Variants in SLC4A4 observed in about 807,000 individuals in gnomAD.
SLC4A4 encodes the protein electrogenic sodium bicarbonate cotransporter 1.
SLC4A4 carries 27 observed loss-of-function variants against 111.5 expected under a neutral mutation model. The ratio of observed to expected loss-of-function variants is 0.24; its 90% CI spans 0.18 to 0.33. The LOEUF is 0.33. SLC4A4 is among the 10% of genes least tolerant of loss of function. The pLI, the probability that SLC4A4 is intolerant of heterozygous loss-of-function variation, is 1.00. For synonymous variants in SLC4A4, 443 were observed against 463.4 expected, an observed-to-expected ratio of 0.96 and a Z score of 0.57; for missense variants, 909 against 1,315.5, an observed-to-expected ratio of 0.69 and a Z score of 4.78.
chr4:71,513,968 A>G (rs927042426), intron 16 of SLC4A4, among the ~76,000 whole-genome samples: 1 of 152,196 alleles, frequency 6.6e-6, no homozygotes, highest in African/African-American at 2.4e-5. Context: ...CTATCCCTGC[A>G]TCCCTGGGAT....
rs778350153 is a variant in SLC4A4 at position 71,453,482 on chromosome 4, T to G, written c.1323-13T>G. The stretch of plus-strand genomic sequence containing the variant: ...CTTTACATTTAGTGGATGTTTGCAT[T>G]CTCTCTGCCCAGGTTCTGTGGTGGA... On this transcript the variant is annotated splice_polypyrimidine_tract_variant and intron_variant, in intron 11 of 25. Transcript: ENST00000264485. The G allele has an allele frequency of 5.0e-6, 8 of 1,613,206 alleles. No individual in the cohort carries two copies. Among genetic ancestry groups the G allele is most frequent in the Non-Finnish European group, 6.8e-6 (8 of 1,179,326 alleles).
chr4:71,157,101 C>T (rs558264190), intron 2 of SLC4A4, among the ~76,000 whole-genome samples: 2 of 152,202 alleles, frequency 1.3e-5, no homozygotes, highest in East Asian at 1.9e-4. Flanking sequence ...AATGTAAATA[C>T]ACCACTCCAA....
chr4:71,357,029 T>G lies in SLC4A4; in HGVS notation c.572T>G (p.Ile191Ser). The G allele has an allele frequency of 6.2e-7, 1 of 1,614,132 alleles. No individual in the cohort carries two copies. Among genetic ancestry groups the G allele is most frequent in the Middle Eastern group, 1.6e-4 (1 of 6,062 alleles). ...QLVEMIVDHQIETGLLKPELK... is the reference protein window; with the variant it reads ...QLVEMIVDHQSETGLLKPELK... Reference sequence around the variant, plus strand: ...CCAGAGATGATTGTTGACCATCAGATTGAGACAGGCCTATTGAAACCTGAA... The same window carrying G: ...CCAGAGATGATTGTTGACCATCAGAGTGAGACAGGCCTATTGAAACCTGAA... Residue 191 changes from isoleucine to serine, a missense_variant, in exon 6 of 26, where the codon ATT becomes AGT. By Grantham distance (142) the Ile-to-Ser change is moderately radical (BLOSUM62 -2). Coordinates refer to ENST00000264485, the MANE Select transcript of SLC4A4 (RefSeq NM_001098484.3).
intron 1 of SLC4A4, among the ~76,000 whole-genome samples, chr4:71,073,623 C>G (rs1741726436): frequency 6.6e-6 from 1 of 152,038 alleles, no homozygotes; most frequent in South Asian, 2.1e-4. Context: ...CTATATTTCA[C>G]ATATTTATTT....
At chr4:71,178,783 G>T (rs1745183965) in intron 2 of SLC4A4, among the ~76,000 whole-genome samples, 1 of 152,144 alleles carries the variant, frequency 6.6e-6, no homozygotes, top group African/African-American at 2.4e-5. Context: ...GTACAAGGAG[G>T]AGCTGGTACC....
intron 2 of SLC4A4, among the ~76,000 whole-genome samples, chr4:71,253,372 C>T (rs886482694): frequency 6.6e-6 from 1 of 152,036 alleles, no homozygotes; most frequent in Admixed American, 6.6e-5. Context: ...TTTAAAAAAC[C>T]TTTCTATATA....
At chr4:71,103,468 A>G (rs1220553259) in intron 2 of SLC4A4, among the ~76,000 whole-genome samples, 1 of 152,064 alleles carries the variant, frequency 6.6e-6, no homozygotes, top group Admixed American at 6.6e-5. Flanking sequence ...CAGAATATAC[A>G]TTTTTTTCAG....
intron 13 of SLC4A4, among the ~76,000 whole-genome samples, chr4:71,470,013 A>G (rs1727719297): frequency 6.6e-6 from 1 of 152,032 alleles, no homozygotes; most frequent in Non-Finnish European, 1.5e-5. Context: ...ACAAATCAAG[A>G]TTGCTCTTTC....
At chr4:71,436,400 G>A (rs2149049585) in intron 7 of SLC4A4, among the ~76,000 whole-genome samples, 1 of 152,216 alleles carries the variant, frequency 6.6e-6, no homozygotes, top group South Asian at 2.1e-4. Flanking sequence ...ACACACTGGG[G>A]CCTGTCAGGG....
chr4:71,468,286 T>C (rs1248732983), intron 13 of SLC4A4, among the ~76,000 whole-genome samples: 1 of 152,066 alleles, frequency 6.6e-6, no homozygotes, highest in East Asian at 1.9e-4. Context: ...TGTGGAAAGA[T>C]TAAACAAGGA....
At chr4:71,397,462 T>A (rs1719927573) in intron 6 of SLC4A4, 115 bp from the exon 7 acceptor site, 3 of 943,774 alleles carry the variant, frequency 3.2e-6, no homozygotes, top group Non-Finnish European at 5.2e-6. Context: ...CTAGTGTGGT[T>A]AAAAGTATCA....
At position 71,166,429 on chromosome 4, in the gene SLC4A4, A is replaced by G. The variant is rs72860074; in HGVS notation, c.-1-70147A>G. 5.3e-3 allele frequency among the ~76,000 whole-genome samples: 809 copies of G among 152,352 alleles called. 9 individuals carry two copies. The highest frequency in any genetic ancestry group is 0.019 in the African/African-American group (774 of 41,586). The stretch of plus-strand genomic sequence containing the variant: ...ATTCTGTTAGTTCACAGGTCTCATA[A>G]GAAAGGTGAAGAGAAAATATGGGGT... On this transcript the variant is annotated intron_variant, in intron 2 of 26. Coordinates refer to the SLC4A4 transcript ENST00000649996.
Position 71,449,354 on chromosome 4 carries a change from G to T in SLC4A4, c.1054-1035G>T, listed in dbSNP as rs139572199. Among the ~76,000 whole-genome samples the T allele has an allele frequency of 2.2e-3, 330 of 152,184 alleles. 2 individuals are homozygous for T. Among genetic ancestry groups the T allele is most frequent in the African/African-American group, 7.5e-3 (312 of 41,520 alleles). On this transcript the variant is annotated intron_variant, in intron 9 of 25. Transcript: ENST00000264485. Reference sequence around the variant, plus strand: ...CCTTTTTCTTATATCTTATTAGTTGGAATTGTTCATCTTTATCTGCACAGT... The same window carrying T: ...CCTTTTTCTTATATCTTATTAGTTGTAATTGTTCATCTTTATCTGCACAGT...
At chr4:71,216,510 G>A (rs540824155) in intron 1 of SLC4A4, among the ~76,000 whole-genome samples, 1 of 152,246 alleles carries the variant, frequency 6.6e-6, no homozygotes, top group South Asian at 2.1e-4. Context: ...AACAAGTTGA[G>A]AAATTTGACC....
intron 15 of SLC4A4, 73 bp from the exon 16 acceptor site, chr4:71,497,428 C>A: frequency 8.2e-7 from 1 of 1,219,958 alleles, no homozygotes; most frequent in Non-Finnish European, 1.2e-6. Flanking sequence ...ATTCCTATAG[C>A]TCATCAAGTA....
chr4:71,075,197 A>C (rs1741773753), intron 1 of SLC4A4, among the ~76,000 whole-genome samples: 1 of 152,222 alleles, frequency 6.6e-6, no homozygotes, highest in Non-Finnish European at 1.5e-5. Context: ...ACAATGTTTT[A>C]GATAAAAATC....
intron 7 of SLC4A4, among the ~76,000 whole-genome samples, chr4:71,422,797 C>A (rs1302869039): frequency 5.9e-5 from 9 of 152,136 alleles, no homozygotes; most frequent in African/African-American, 2.2e-4. Context: ...ACCCTTCATG[C>A]TGAAAACTCT....
intron 3 of SLC4A4, among the ~76,000 whole-genome samples, chr4:71,338,621 T>A (rs1488625306): frequency 6.6e-6 from 1 of 151,940 alleles, no homozygotes; most frequent in South Asian, 2.1e-4. Context: ...TTCTAGTTAA[T>A]TTTTCATTGC....
intron 12 of SLC4A4, among the ~76,000 whole-genome samples, chr4:71,463,424 G>T (rs1378483990): frequency 6.6e-6 from 1 of 152,096 alleles, no homozygotes. Context: ...TTAAATTTCT[G>T]TATTGTGAAG....
Sources: allele counts gnomAD v4.1 joint callset (sites outside exome capture counted in the v4.1 genomes callset), GRCh38; gene constraint gnomAD v4.1.1; transcripts MANE v1.5; gene names NCBI Gene and HGNC (gene_info 2026-07-23, HGNC 2026-07-21).